Variants in TMEM181 observed in about 807,000 individuals in gnomAD.
The protein encoded by TMEM181 is transmembrane protein 181, also known as G protein-coupled receptor 178.
In TMEM181, 39 loss-of-function variants were observed where a neutral mutation model predicts 71.9. The observed-to-expected ratio is 0.54, with a 90% CI of 0.42 to 0.71. The LOEUF (loss-of-function observed/expected upper bound fraction) is 0.71. Ranked by LOEUF, TMEM181 falls within the 30% of genes least tolerant of loss-of-function variation. TMEM181 has a pLI of 0.00. For missense variants in TMEM181, 595 were observed against 583.0 expected (o/e 1.02, Z -0.21); for synonymous variants, 245 against 228.8 (o/e 1.07, Z -0.64).
intron 1 of TMEM181, among the ~76,000 whole-genome samples, chr6:158,544,553 ACGGGG>A (rs1310667166): frequency 6.6e-6 from 1 of 152,108 alleles, no homozygotes; most frequent in Non-Finnish European, 1.5e-5. Context: ...GCAGAAAGGG[ACGGGG>A]CGCTCATTTC....
At chr6:158,580,331 A>G (rs1783402329) in intron 2 of TMEM181, among the ~76,000 whole-genome samples, 1 of 152,194 alleles carries the variant, frequency 6.6e-6, no homozygotes, top group East Asian at 1.9e-4. Flanking sequence ...AAGAAAAAAA[A>G]TAGTTAAGAT....
At chr6:158,605,092 C>T (rs1052802611) in intron 6 of TMEM181, among the ~76,000 whole-genome samples, 175 bp from the exon 7 acceptor site, 4 of 129,488 alleles carry the variant, frequency 3.1e-5, no homozygotes, top group Non-Finnish European at 4.7e-5. Flanking sequence ...CCGGCCTGGG[C>T]GATAGAGCGA....
At chr6:158,542,301 A>C (rs1781383704) in intron 1 of TMEM181, among the ~76,000 whole-genome samples, 1 of 152,144 alleles carries the variant, frequency 6.6e-6, no homozygotes, top group Admixed American at 6.5e-5. Context: ...ACATCTCTTG[A>C]ATTATATTTT....
intron 6 of TMEM181, among the ~76,000 whole-genome samples, chr6:158,600,544 A>G (rs747068805): frequency 8.1e-4 from 111 of 137,772 alleles, no homozygotes; most frequent in Non-Finnish European, 1.5e-3. Flanking sequence ...ATCTTGGCTC[A>G]CTGCAACCTC....
chr6:158,581,753 C>CAAAAAAAAAAA (rs10626721), intron 3 of TMEM181, among the ~76,000 whole-genome samples: 1 of 62,160 alleles, frequency 1.6e-5, no homozygotes, highest in African/African-American at 6.9e-5. Context: ...GACTCTGTCT[C>CAAAAAAAAAAA]AAAAAAAAAA....
chr6:158,607,961 C>T (rs148974841), intron 8 of TMEM181, among the ~76,000 whole-genome samples: 228 of 152,364 alleles, frequency 1.5e-3, no homozygotes, highest in African/African-American at 5.2e-3. Context: ...CCCGAGCTGC[C>T]GCAGTCGGAA....
chr6:158,554,114 T>G (rs1288015648), intron 1 of TMEM181, among the ~76,000 whole-genome samples: 2 of 151,626 alleles, frequency 1.3e-5, no homozygotes, highest in Non-Finnish European at 2.9e-5. Flanking sequence ...AGATGGAGTT[T>G]CGCTTTTGTT....
At chr6:158,561,180 G>GAC (rs1321772916) in intron 1 of TMEM181, among the ~76,000 whole-genome samples, 2 of 152,220 alleles carry the variant, frequency 1.3e-5, no homozygotes, top group Non-Finnish European at 2.9e-5. Context: ...TCTGGCTGTG[G>GAC]ACGTGGTCAG....
intron 6 of TMEM181, among the ~76,000 whole-genome samples, chr6:158,604,955 G>A (rs1376683370): frequency 6.6e-6 from 1 of 151,860 alleles, no homozygotes; most frequent in East Asian, 1.9e-4. Context: ...CATGTAGGAT[G>A]TTCCAAAATT....
At chr6:158,538,119 C>T (rs1310874632) in intron 1 of TMEM181, among the ~76,000 whole-genome samples, 1 of 148,480 alleles carries the variant, frequency 6.7e-6, no homozygotes, top group African/African-American at 2.5e-5. Context: ...TTCTGCTAGT[C>T]CCCCGTCCCC....
At position 158,613,570 on chromosome 6, in the gene TMEM181, ACT is replaced by A. The variant is rs1349757661; in HGVS notation, c.896+4823_896+4824del. 2.0e-5 allele frequency among the ~76,000 whole-genome samples: 3 copies of A among 152,208 alleles called. No homozygotes were observed. The East Asian group carries it at 5.8e-4, about 29-fold the overall frequency. ...ATGCTTTGCTTAGCACAGGTCAGAA[ACT>A]CTGTACAGGGACTGTGTACACAGAA... On this transcript the variant is annotated intron_variant, in intron 10 of 16. Coordinates refer to ENST00000684151, the MANE Select transcript of TMEM181 (RefSeq NM_001376852.1).
At chr6:158,603,594 T>G (rs34079763) in intron 6 of TMEM181, among the ~76,000 whole-genome samples, 85 of 130,000 alleles carry the variant, frequency 6.5e-4, no homozygotes, top group Non-Finnish European at 1.2e-3. Context: ...TCAGGTTTTT[T>G]TTTTTTTTTT....
At chr6:158,628,729 C>T (rs1420689110) in intron 14 of TMEM181, among the ~76,000 whole-genome samples, 6 of 152,218 alleles carry the variant, frequency 3.9e-5, no homozygotes, top group Non-Finnish European at 7.3e-5. Context: ...GGTCAGGTTT[C>T]GGGTGGCAGA....
At chr6:158,584,788 A>G (rs1783672540) in intron 4 of TMEM181, among the ~76,000 whole-genome samples, 1 of 152,216 alleles carries the variant, frequency 6.6e-6, no homozygotes, top group South Asian at 2.1e-4. Context: ...AAAAATTCAT[A>G]TTACTACGTA....
intron 10 of TMEM181, among the ~76,000 whole-genome samples, chr6:158,619,738 A>T (rs1186977025): frequency 6.6e-6 from 1 of 152,078 alleles, no homozygotes; most frequent in Non-Finnish European, 1.5e-5. Flanking sequence ...GCGTGATGGT[A>T]CACACCTGTA....
Position 158,540,256 on chromosome 6 carries a change from C to T in TMEM181, c.131+3391C>T, listed in dbSNP as rs192744770. ...TGGTAACAAGGACATGGAATGTTCA[C>T]GCACTGCGGATGGGAGGGTAAATTG... On this transcript the variant is annotated intron_variant, in intron 1 of 16. Transcript: ENST00000367090. Among the ~76,000 whole-genome samples, 22 of 152,294 alleles carry T rather than the reference C, an allele frequency of 1.4e-4. No individual in the cohort carries two copies. In the East Asian group the frequency reaches 2.1e-3, roughly 15 times the overall value.
chr6:158,570,912 T>G (rs543854096), intron 1 of TMEM181, among the ~76,000 whole-genome samples: 3 of 150,462 alleles, frequency 2.0e-5, no homozygotes, highest in Admixed American at 6.6e-5. Flanking sequence ...TGTTTGTTTG[T>G]TAGGTTGGTT....
At chr6:158,537,304 TC>T (rs1286807019) in intron 1 of TMEM181, among the ~76,000 whole-genome samples, 95 of 151,550 alleles carry the variant, frequency 6.3e-4, no homozygotes, top group Non-Finnish European at 1.2e-3. Flanking sequence ...GGGAGGAGGG[TC>T]TTGGCCGCAG....
At chr6:158,541,416 TCAAAAAA>T (rs1781337597) in intron 1 of TMEM181, among the ~76,000 whole-genome samples, 1 of 135,606 alleles carries the variant, frequency 7.4e-6, no homozygotes, top group Non-Finnish European at 1.6e-5. Context: ...AGACTCCATC[TCAAAAAA>T]CAAAAAAACA....
Sources: allele counts gnomAD v4.1 joint callset (sites outside exome capture counted in the v4.1 genomes callset), GRCh38; gene constraint gnomAD v4.1.1; transcripts MANE v1.5; gene names NCBI Gene and HGNC (gene_info 2026-07-23, HGNC 2026-07-21).